Variants in RIMBP2 observed in about 807,000 individuals in gnomAD.
RIMBP2 encodes RIMS-binding protein 2.
Under a neutral mutation model 118.6 loss-of-function variants are expected in RIMBP2, and 48 were observed. The ratio of observed to expected loss-of-function variants is 0.40; its 90% CI spans 0.32 to 0.51. The LOEUF (loss-of-function observed/expected upper bound fraction) is 0.51. Among genes scored for constraint, RIMBP2 ranks in the 20% least tolerant of loss-of-function variants. The pLI is 0.41. For missense variants in RIMBP2, 1,551 were observed against 1,768.3 expected, an observed-to-expected ratio of 0.88 and a Z score of 2.20; for synonymous variants, 762 against 742.9, an observed-to-expected ratio of 1.03 and a Z score of -0.42.
At chr12:130,485,942 C>T (rs529729365) in intron 4 of RIMBP2, among the ~76,000 whole-genome samples, 1 of 152,324 alleles carries the variant, frequency 6.6e-6, no homozygotes, top group African/African-American at 2.4e-5. Context: ...GGGAGAAGCA[C>T]TCGGCCCTCG....
chr12:130,446,983 C>A lies in RIMBP2; in HGVS notation c.582-1714G>T, dbSNP rs1435593490. On this transcript the variant is annotated intron_variant, in intron 9 of 22. Transcript: ENST00000690449. This position sits in a 1 kb window ranked among gnomAD's most constrained non-coding sequence, Gnocchi z 4.1. Reference sequence around the variant, plus strand: ...GCCTCAGGGTGAGCAGGCGGGGACACAAGTCACTGAGTGGGGGTTTTCAGG... The same window carrying A: ...GCCTCAGGGTGAGCAGGCGGGGACAAAAGTCACTGAGTGGGGGTTTTCAGG... Among the ~76,000 whole-genome samples the A allele has an allele frequency of 2.2e-4, 31 of 138,524 alleles. No homozygotes were observed. Among genetic ancestry groups the A allele is most frequent in the Non-Finnish European group, 1.8e-4 (12 of 65,616 alleles). 90.9% of individuals were successfully genotyped at this position (138,524 alleles called of 152,430 possible).
intron 2 of RIMBP2, among the ~76,000 whole-genome samples, chr12:130,612,514 G>T (rs1010911670): frequency 6.6e-6 from 1 of 152,200 alleles, no homozygotes; most frequent in African/African-American, 2.4e-5. Flanking sequence ...CCCCAGCCCA[G>T]CACCCAGTCT....
intron 2 of RIMBP2, among the ~76,000 whole-genome samples, chr12:130,585,934 G>C (rs938787361): frequency 2.0e-5 from 3 of 152,222 alleles, no homozygotes; most frequent in Non-Finnish European, 4.4e-5. Context: ...TGAGAAAAGA[G>C]AGGAGGAAAT....
chr12:130,707,142 A>G (rs9668038), intron 1 of RIMBP2, among the ~76,000 whole-genome samples: 11,686 of 152,236 alleles, frequency 0.077, 1,522 homozygotes, highest in African/African-American at 0.27. Flanking sequence ...CCCAGGGGAC[A>G]CCCAGGCCTG....
intron 3 of RIMBP2, among the ~76,000 whole-genome samples, chr12:130,516,706 A>C (rs772169539): frequency 2.0e-5 from 3 of 152,228 alleles, no homozygotes; most frequent in Non-Finnish European, 4.4e-5. Flanking sequence ...TTAGGGATCC[A>C]AGGAACAAAA....
chr12:130,449,102 T>A (rs1000272605), intron 9 of RIMBP2, among the ~76,000 whole-genome samples: 1 of 152,234 alleles, frequency 6.6e-6, no homozygotes, highest in Admixed American at 6.5e-5. Flanking sequence ...CAGGGATATC[T>A]GCCTTTGAAA....
At chr12:130,562,352 TTACC>T (rs2056883977) in intron 2 of RIMBP2, among the ~76,000 whole-genome samples, 1 of 152,202 alleles carries the variant, frequency 6.6e-6, no homozygotes, top group Admixed American at 6.5e-5. Flanking sequence ...AATTATGACT[TTACC>T]TAACTGGAAG....
chr12:130,522,680 C>T (rs2052270949), intron 2 of RIMBP2, among the ~76,000 whole-genome samples: 1 of 152,054 alleles, frequency 6.6e-6, no homozygotes, highest in Non-Finnish European at 1.5e-5. Context: ...GCAGGGAGCC[C>T]CAGGGAGGCA....
At chr12:130,456,440 C>G in intron 7 of RIMBP2, 56 bp downstream of exon 7, 1 of 1,471,638 alleles carries the variant, frequency 6.8e-7, no homozygotes, top group African/African-American at 1.4e-5. Context: ...CCCTCGCAGG[C>G]AGCCAACGGC....
At chr12:130,712,505 G>A (rs139962100) in intron 1 of RIMBP2, among the ~76,000 whole-genome samples, 1,691 of 152,154 alleles carry the variant, frequency 0.011, 27 homozygotes, top group African/African-American at 0.037. Flanking sequence ...CCACCTGCAC[G>A]TCCTGTCCCG....
intron 1 of RIMBP2, among the ~76,000 whole-genome samples, chr12:130,641,754 C>G (rs2062633318): frequency 6.6e-6 from 1 of 152,134 alleles, no homozygotes; most frequent in Non-Finnish European, 1.5e-5. Context: ...CAGGGCACCT[C>G]ATGCCCCTTA....
intron 7 of RIMBP2, among the ~76,000 whole-genome samples, chr12:130,452,804 A>G (rs1259053022): frequency 6.6e-6 from 1 of 152,226 alleles, no homozygotes; most frequent in Non-Finnish European, 1.5e-5. Context: ...ACCGCGCCAC[A>G]GTGAACAGCA....
chr12:130,510,926 G>C (rs2050852273), intron 3 of RIMBP2, among the ~76,000 whole-genome samples: 1 of 152,146 alleles, frequency 6.6e-6, no homozygotes, highest in African/African-American at 2.4e-5. Context: ...GGACAAGGAG[G>C]GGGAGGGAGA....
intron 2 of RIMBP2, among the ~76,000 whole-genome samples, chr12:130,535,684 TAC>T (rs1448166028): frequency 2.0e-5 from 3 of 146,656 alleles, no homozygotes; most frequent in African/African-American, 7.5e-5. Context: ...CACATATATA[TAC>T]ACATATACAT....
chr12:130,438,348 A>AAAAAAAACC lies in RIMBP2; in HGVS notation c.1656+16_1656+17insGGTTTTTTT. ...AGGGCCTAACAAACCCTCCCCACCC[A>AAAAAAAACC]CCCAACGAAAACTCACCCTCTGCCC... On this transcript the variant is annotated intron_variant, in intron 12 of 22. Coordinates refer to ENST00000690449, the MANE Select transcript of RIMBP2 (RefSeq NM_001393629.1). 1 of 654,556 alleles carries AAAAAAAACC rather than the reference A, an allele frequency of 1.5e-6. No individual in the cohort carries two copies. The highest frequency in any genetic ancestry group is 2.4e-6 in the Non-Finnish European group (1 of 412,500). The allele number at this position is 654,556 out of a possible 1,614,324, so 40.5% of individuals were successfully genotyped here.
chr12:130,493,646 C>G (rs2048856877), intron 4 of RIMBP2, among the ~76,000 whole-genome samples: 1 of 152,080 alleles, frequency 6.6e-6, no homozygotes, highest in Non-Finnish European at 1.5e-5. Context: ...CCATGGAGTG[C>G]TGTTCTGTAT....
In RIMBP2 at chr12:130,680,596, G is replaced by A. The variant is rs75841013; in HGVS notation, c.-352+35626C>T. Among the ~76,000 whole-genome samples, 1,204 of 152,298 alleles carry A rather than the reference G, an allele frequency of 7.9e-3. 18 individuals carry two copies. The highest frequency in any genetic ancestry group is 0.027 in the African/African-American group (1,130 of 41,552). On this transcript the variant is annotated intron_variant, in intron 1 of 22. Transcript: ENST00000690449. Reference sequence around the variant, plus strand: ...GCCTGCTTCTAGGACCGCGGCTCTCGGGGAGAGGCAATTTTGCCCCCACCC... The same window carrying A: ...GCCTGCTTCTAGGACCGCGGCTCTCAGGGAGAGGCAATTTTGCCCCCACCC...
intron 2 of RIMBP2, among the ~76,000 whole-genome samples, chr12:130,606,481 A>T (rs1226869622): frequency 1.3e-5 from 2 of 152,216 alleles, no homozygotes; most frequent in African/African-American, 4.8e-5. Context: ...GGTGGCTGTC[A>T]CCGCATCAGC....
intron 5 of RIMBP2, among the ~76,000 whole-genome samples, chr12:130,476,906 G>A (rs1000161073): frequency 6.6e-5 from 10 of 152,308 alleles, no homozygotes; most frequent in African/African-American, 1.9e-4. Flanking sequence ...ATGACGGTAC[G>A]ACGGAGCTGG....
Sources: gnomAD v4.1 joint callset for allele counts (sites outside exome capture counted in the v4.1 genomes callset) on GRCh38, gnomAD v4.1.1 for gene constraint, Gnocchi (gnomAD v3.1) non-coding constraint, MANE v1.5 for transcripts, NCBI Gene and HGNC (gene_info 2026-07-23, HGNC 2026-07-21) for gene names.